Variants in IPCEF1 observed in about 807,000 individuals in gnomAD.
The protein encoded by IPCEF1 is interactor protein for cytohesin exchange factors 1.
IPCEF1 carries 31 observed loss-of-function variants against 50.9 expected under a neutral mutation model. That is an observed-to-expected ratio of 0.61 (90% CI 0.46 to 0.82). The LOEUF (loss-of-function observed/expected upper bound fraction) is 0.82. Among genes scored for constraint, IPCEF1 ranks in the 40% least tolerant of loss-of-function variants. The probability of loss-of-function intolerance (pLI) is 0.00; values close to 1 mark genes in which losing one functional copy is unlikely to be tolerated. For synonymous variants in IPCEF1, 181 were observed against 192.0 expected (o/e 0.94, Z 0.47); for missense variants, 458 against 514.0 (o/e 0.89, Z 1.05).
intron 1 of IPCEF1, among the ~76,000 whole-genome samples, chr6:154,327,864 T>C (rs1783559754): frequency 6.6e-6 from 1 of 152,158 alleles, no homozygotes; most frequent in Non-Finnish European, 1.5e-5. Context: ...ATGTGGTCCA[T>C]ATACACCATG....
At chr6:154,167,864 C>A in intron 11 of IPCEF1, 56 bp downstream of exon 11, 5 of 1,321,516 alleles carry the variant, frequency 3.8e-6, no homozygotes, top group Non-Finnish European at 5.3e-6. Flanking sequence ...TCTGCAGAAC[C>A]AGCCGTTCCT....
Position 154,206,285 on chromosome 6 carries a change from G to C in IPCEF1, c.538-6245C>G, listed in dbSNP as rs547230171. On this transcript the variant is annotated intron_variant, in intron 9 of 11. Coordinates refer to ENST00000367220, the MANE Select transcript of IPCEF1 (RefSeq NM_001130700.2). ...TAAAACTCATACAAGATTTCTGTGAGAGTCAAATGAAATCATTCTTCTCAA... is the reference window on the plus strand; with the variant it reads ...TAAAACTCATACAAGATTTCTGTGACAGTCAAATGAAATCATTCTTCTCAA... Among the ~76,000 whole-genome samples, 3 of 152,290 alleles carry C rather than the reference G, an allele frequency of 2.0e-5. No individual in the cohort carries two copies. The East Asian group carries it at 5.8e-4, about 29-fold the overall frequency.
Position 154,339,884 on chromosome 6 carries a change from G to A in IPCEF1, c.-62+16788C>T, listed in dbSNP as rs192360278. On this transcript the variant is annotated intron_variant, in intron 1 of 11. Transcript: ENST00000367220. Reference sequence around the variant, plus strand: ...AGTGCTGGGATTACAGGCATGAGCCGCCGCTCCTGGCCAAGTGATAATTTA... The same window carrying A: ...AGTGCTGGGATTACAGGCATGAGCCACCGCTCCTGGCCAAGTGATAATTTA... Among the ~76,000 whole-genome samples the A allele has an allele frequency of 2.6e-5, 4 of 151,754 alleles. No homozygotes were observed. The South Asian group carries it at 6.3e-4, about 24-fold the overall frequency.
intron 1 of IPCEF1, among the ~76,000 whole-genome samples, chr6:154,350,071 T>G (rs1316442874): frequency 6.6e-6 from 1 of 152,196 alleles, no homozygotes; most frequent in East Asian, 1.9e-4. Context: ...GTCATTAAAG[T>G]ACTTATGCAG....
At chr6:154,310,399 G>A (rs1301525230) in intron 1 of IPCEF1, among the ~76,000 whole-genome samples, 2 of 152,186 alleles carry the variant, frequency 1.3e-5, no homozygotes, top group African/African-American at 4.8e-5. Context: ...AGGAGGTCTA[G>A]GATGTTGGCA....
intron 9 of IPCEF1, among the ~76,000 whole-genome samples, chr6:154,211,392 G>T (rs1441295497): frequency 6.7e-6 from 1 of 150,314 alleles, no homozygotes; most frequent in Non-Finnish European, 1.5e-5. Flanking sequence ...CCGGGTGACA[G>T]AGCAAGACTC....
intron 7 of IPCEF1, 69 bp downstream of exon 7, chr6:154,221,188 A>G: frequency 9.0e-7 from 1 of 1,105,088 alleles, no homozygotes; most frequent in East Asian, 2.4e-5. Flanking sequence ...TATGATTAGA[A>G]TTCCAGTACC....
chr6:154,166,286 C>T lies in IPCEF1; in HGVS notation c.1104+1634G>A, dbSNP rs2281617. Among the ~76,000 whole-genome samples, 27,441 of 152,146 alleles carry T rather than the reference C, an allele frequency of 0.18. 2,896 individuals are homozygous for T. Among genetic ancestry groups the T allele is most frequent in the East Asian group, 0.41 (2,099 of 5,150 alleles). On this transcript the variant is annotated intron_variant, in intron 11 of 11. Transcript: ENST00000367220. Reference sequence around the variant, plus strand: ...CTAATTCTTTTCACAAAGTTGGCCCCCCAGTGGCCAGGTGAGGGCATGGTG... The same window carrying T: ...CTAATTCTTTTCACAAAGTTGGCCCTCCAGTGGCCAGGTGAGGGCATGGTG...
chr6:154,220,583 A>G (rs1402662660), intron 7 of IPCEF1, among the ~76,000 whole-genome samples: 1 of 152,154 alleles, frequency 6.6e-6, no homozygotes, highest in East Asian at 1.9e-4. Flanking sequence ...CAGAGGTTGC[A>G]GTGAGCCGAG....
chr6:154,270,288 A>T (rs1488891956), intron 2 of IPCEF1, among the ~76,000 whole-genome samples: 3 of 152,248 alleles, frequency 2.0e-5, no homozygotes, highest in Non-Finnish European at 4.4e-5. Context: ...GTGATAAATC[A>T]TCATGAGATA....
In IPCEF1 at chr6:154,159,794, A is replaced by G. The variant is rs753020252; in HGVS notation, c.*34T>C. ...GCAACATCTTGAAGAGTTGCTTGTG[A>G]TAAAATATAAGAGGAGAAAACCCTG... On this transcript the variant is annotated 3_prime_UTR_variant, in exon 12 of 12. Coordinates refer to ENST00000367220, the MANE Select transcript of IPCEF1 (RefSeq NM_001130700.2). 1 of 1,528,056 alleles carries G rather than the reference A, an allele frequency of 6.5e-7. No individual in the cohort carries two copies. Among genetic ancestry groups the G allele is most frequent in the African/African-American group, 1.4e-5 (1 of 72,368 alleles). 94.7% of individuals were successfully genotyped at this position (1,528,056 alleles called of 1,614,324 possible).
intron 10 of IPCEF1, among the ~76,000 whole-genome samples, chr6:154,183,201 G>T (rs763551596): frequency 2.6e-5 from 4 of 151,854 alleles, no homozygotes; most frequent in Admixed American, 6.6e-5. Context: ...GGATGGTCTC[G>T]ATCTCCTGAC....
intron 11 of IPCEF1, among the ~76,000 whole-genome samples, chr6:154,160,783 T>C (rs1798945821): frequency 6.6e-6 from 1 of 152,226 alleles, no homozygotes; most frequent in Non-Finnish European, 1.5e-5. Context: ...GTATCTCAAA[T>C]CTATGCCTGT....
At position 154,214,101 on chromosome 6, in the gene IPCEF1, C is replaced by T. The variant is rs1778189326; in HGVS notation, c.451+117G>A. The T allele has an allele frequency of 9.6e-6, 7 of 726,722 alleles. No individual in the cohort carries two copies. The South Asian group carries it at 1.1e-4, about 12-fold the overall frequency. The allele number at this position is 726,722 out of a possible 1,614,324, so 45.0% of individuals were successfully genotyped here. Reference sequence around the variant, plus strand: ...ACATATTTTCAGATCATCTTAAATGCCAAAGCATGTTTCCTCAGGATCAGA... The same window carrying T: ...ACATATTTTCAGATCATCTTAAATGTCAAAGCATGTTTCCTCAGGATCAGA... On this transcript the variant is annotated intron_variant, in intron 8 of 11. Transcript: ENST00000367220.
intron 11 of IPCEF1, among the ~76,000 whole-genome samples, chr6:154,162,956 T>A (rs1799144568): frequency 6.6e-6 from 1 of 152,162 alleles, no homozygotes; most frequent in African/African-American, 2.4e-5. Context: ...CCTACCGTAG[T>A]CTTCCACAAA....
chr6:154,346,163 C>A (rs968773180), intron 1 of IPCEF1, among the ~76,000 whole-genome samples: 1 of 152,146 alleles, frequency 6.6e-6, no homozygotes, highest in South Asian at 2.1e-4. Flanking sequence ...AGCCACTGCA[C>A]CTGGCCTCAC....
chr6:154,175,831 C>A (rs1456572481), intron 10 of IPCEF1, among the ~76,000 whole-genome samples: 2 of 152,136 alleles, frequency 1.3e-5, no homozygotes, highest in African/African-American at 4.8e-5. Flanking sequence ...ATGAGGCCAG[C>A]ATCATCCTGA....
chr6:154,250,482 G>A (rs1353587399), intron 3 of IPCEF1, among the ~76,000 whole-genome samples: 1 of 152,122 alleles, frequency 6.6e-6, no homozygotes, highest in Admixed American at 6.5e-5. Context: ...TTGAAAATAT[G>A]TATTTCTTTT....
At chr6:154,329,474 G>C (rs183903871) in intron 1 of IPCEF1, among the ~76,000 whole-genome samples, 1 of 152,160 alleles carries the variant, frequency 6.6e-6, no homozygotes, top group Non-Finnish European at 1.5e-5. Flanking sequence ...GCACATGCCT[G>C]TAGTCCCAGC....
Sources: allele counts gnomAD v4.1 joint callset (sites outside exome capture counted in the v4.1 genomes callset), GRCh38; gene constraint gnomAD v4.1.1; transcripts MANE v1.5; gene names NCBI Gene and HGNC (gene_info 2026-07-23, HGNC 2026-07-21).